Variants in MCM2 observed in about 807,000 individuals in gnomAD.
MCM2 encodes the protein minichromosome maintenance complex component 2.
Under a neutral mutation model 86.4 loss-of-function variants are expected in MCM2, and 49 were observed. The ratio of observed to expected loss-of-function variants is 0.57; its 90% CI spans 0.45 to 0.72. MCM2 has a LOEUF of 0.72. Ranked by LOEUF, MCM2 falls within the 30% of genes least tolerant of loss-of-function variation. The pLI is 0.00. For missense variants in MCM2, 1,038 were observed against 1,259.9 expected, an observed-to-expected ratio of 0.82 and a Z score of 2.67; for synonymous variants, 475 against 484.6, an observed-to-expected ratio of 0.98 and a Z score of 0.26.
intron 14 of MCM2, 42 bp downstream of exon 14, chr3:127,620,922 T>G: frequency 6.3e-7 from 1 of 1,576,902 alleles, no homozygotes; most frequent in Non-Finnish European, 8.6e-7. Context: ...GCAAGCTCAG[T>G]GAAGGAGGCC....
intron 7 of MCM2, 72 bp from the exon 8 acceptor site, chr3:127,608,760 C>A: frequency 6.7e-7 from 1 of 1,492,360 alleles, no homozygotes; most frequent in Non-Finnish European, 9.2e-7. Flanking sequence ...ATAGGAGAAA[C>A]TGGAGGAAGG....
intron 13 of MCM2, 113 bp from the exon 14 acceptor site, chr3:127,620,585 T>C: frequency 9.3e-7 from 1 of 1,078,790 alleles, no homozygotes; most frequent in Non-Finnish European, 1.4e-6. Flanking sequence ...GCATTTCTGC[T>C]GGGGCACTGT....
At chr3:127,608,266 G>C in intron 6 of MCM2, 116 bp from the exon 7 acceptor site, 4 of 1,311,720 alleles carry the variant, frequency 3.0e-6, no homozygotes, top group Non-Finnish European at 4.3e-6. Flanking sequence ...GCTGTCTTTG[G>C]CTCTCCATTT....
intron 1 of MCM2, 145 bp downstream of exon 1, chr3:127,598,617 A>C: frequency 8.6e-7 from 1 of 1,163,752 alleles, no homozygotes; most frequent in Non-Finnish European, 1.2e-6. Context: ...TCTCGCCTGC[A>C]CCCTGCGTGA....
chr3:127,618,398 C>A lies in MCM2; in HGVS notation c.2013+317C>A, dbSNP rs560086926. On this transcript the variant is annotated intron_variant, in intron 12 of 15. Transcript: ENST00000265056. The surrounding 1 kb of genome is among the most constrained non-coding windows in gnomAD (Gnocchi z 4.0). ...ATCATCTGAACTGGCCTCCTGGCAC[C>A]CATGTAGACTGTCTTCCAGTTGAAG... 6.6e-6 allele frequency among the ~76,000 whole-genome samples: 1 copy of A among 152,288 alleles called. No homozygotes were observed. Among genetic ancestry groups the A allele is most frequent in the African/African-American group, 2.4e-5 (1 of 41,560 alleles).
chr3:127,609,811 C>CCTTCCTCTG (rs1014194389), intron 8 of MCM2, among the ~76,000 whole-genome samples: 3 of 149,090 alleles, frequency 2.0e-5, no homozygotes, highest in Admixed American at 2.0e-4. Context: ...TCTCTTCCTT[C>CCTTCCTCTG]CTTCCTCTGT....
intron 1 of MCM2, 40 bp downstream of exon 1, chr3:127,598,512 T>G: frequency 6.2e-7 from 1 of 1,608,738 alleles, no homozygotes; most frequent in Non-Finnish European, 8.5e-7. Flanking sequence ...GCCGGGGACA[T>G]GGGTGCGGAG....
At chr3:127,603,565 A>T (rs2107686537) in intron 2 of MCM2, among the ~76,000 whole-genome samples, 1 of 152,332 alleles carries the variant, frequency 6.6e-6, no homozygotes, top group East Asian at 1.9e-4. Flanking sequence ...GGCTCACTGC[A>T]GCCTTGAACT....
chr3:127,617,667 G>GA lies in MCM2; in HGVS notation c.1900+262_1900+263insA, dbSNP rs2074443842. On this transcript the variant is annotated intron_variant, in intron 11 of 15. Coordinates refer to ENST00000265056, the MANE Select transcript of MCM2 (RefSeq NM_004526.4). The surrounding 1 kb of genome is among the most constrained non-coding windows in gnomAD (Gnocchi z 4.1). ...TGGGAGGAGAGCCCAGTGCCCCTCT[G>GA]GCCAGGATGGAGTTGGCTGTTGGTC... 8 of 596,924 alleles carry GA rather than the reference G, an allele frequency of 1.3e-5. No individual in the cohort carries two copies. Among genetic ancestry groups the GA allele is most frequent in the Non-Finnish European group, 2.4e-5 (8 of 338,274 alleles). 37.0% of individuals were successfully genotyped at this position (596,924 alleles called of 1,614,324 possible).
At position 127,618,899 on chromosome 3, in the gene MCM2, G is replaced by A. The variant is rs17497159; in HGVS notation, c.2014-128G>A. 0.18 allele frequency: 193,594 copies of A among 1,105,070 alleles called. 19,013 individuals are homozygous for A. Among genetic ancestry groups the A allele is most frequent in the Non-Finnish European group, 0.2 (157,820 of 799,458 alleles). The allele number at this position is 1,105,070 out of a possible 1,614,324, so 68.5% of individuals were successfully genotyped here. On this transcript the variant is annotated intron_variant, in intron 12 of 15. Coordinates refer to ENST00000265056, the MANE Select transcript of MCM2 (RefSeq NM_004526.4). The surrounding 1 kb of genome is among the most constrained non-coding windows in gnomAD (Gnocchi z 4.0). Reference sequence around the variant, plus strand: ...CACACCCAGAACTGCCTGGCACATGGTCAGTGTAGTCAGTCTTGTTGAAAG... The same window carrying A: ...CACACCCAGAACTGCCTGGCACATGATCAGTGTAGTCAGTCTTGTTGAAAG...
chr3:127,613,913 AC>A (rs2074416246), intron 8 of MCM2, among the ~76,000 whole-genome samples: 3 of 152,208 alleles, frequency 2.0e-5, no homozygotes, highest in Non-Finnish European at 4.4e-5. Flanking sequence ...AGTTAAAGAG[AC>A]AGAGTGAGAG....
At chr3:127,611,462 C>T (rs961924285) in intron 8 of MCM2, among the ~76,000 whole-genome samples, 1 of 152,146 alleles carries the variant, frequency 6.6e-6, no homozygotes, top group Non-Finnish European at 1.5e-5. Flanking sequence ...TGCCTGGGCA[C>T]TAATAAGGCA....
rs1464222043 is a variant in MCM2, at chr3:127,610,847, C to T, written c.1428+1824C>T. ...CCATTCCTTCCCAGCTCTTGGCCAT[C>T]GAACCTAGTCTGCGAAGATCTGGGG... On this transcript the variant is annotated intron_variant, in intron 8 of 15. Transcript: ENST00000265056. 11 of 456,568 alleles carry T rather than the reference C, an allele frequency of 2.4e-5. 1 individual carries two copies. The highest frequency in any genetic ancestry group is 1.1e-4 in the South Asian group (7 of 64,570). The allele number at this position is 456,568 out of a possible 1,614,324, so 28.3% of individuals were successfully genotyped here.
intron 9 of MCM2, among the ~76,000 whole-genome samples, chr3:127,616,208 C>G (rs2074431353): frequency 6.6e-6 from 1 of 152,152 alleles, no homozygotes; most frequent in South Asian, 2.1e-4. Flanking sequence ...GTCTTTGCTT[C>G]TCTTCTATGT....
chr3:127,606,465 T>A lies in MCM2; in HGVS notation c.893+128T>A. 1 of 1,175,908 alleles carries A rather than the reference T, an allele frequency of 8.5e-7. No homozygotes were observed. Among genetic ancestry groups the A allele is most frequent in the Non-Finnish European group, 1.2e-6 (1 of 819,390 alleles). The allele number at this position is 1,175,908 out of a possible 1,614,324, so 72.8% of individuals were successfully genotyped here. ...CAGCAGCATCCTCATCGCAGGTGAGTTGTGGTTGCACAGGAGTGTGATGGG... is the reference window on the plus strand; with the variant it reads ...CAGCAGCATCCTCATCGCAGGTGAGATGTGGTTGCACAGGAGTGTGATGGG... On this transcript the variant is annotated intron_variant, in intron 5 of 15. Transcript: ENST00000265056. The surrounding 1 kb of genome is among the most constrained non-coding windows in gnomAD (Gnocchi z 4.2).
In MCM2 at chr3:127,604,787, G is replaced by C. The variant is rs1414312395; in HGVS notation, c.412+4G>C. 1.3e-6 allele frequency: 2 copies of C among 1,582,950 alleles called. No individual in the cohort carries two copies. The highest frequency in any genetic ancestry group is 1.7e-6 in the Non-Finnish European group (2 of 1,164,536). ...ATGCGCCGTGGGCTCCTGTATGGTA[G>C]GTCCAGTTGTCTGCCTGCCCGAGGG... is the stretch of plus-strand genomic sequence containing the variant. On this transcript the variant is annotated splice_donor_region_variant and intron_variant, in intron 3 of 15. Transcript: ENST00000265056.
rs775445540 is a variant in MCM2, at chr3:127,608,929, C to T, written c.1334C>T (p.Ala445Val). 1 of 1,613,942 alleles carries T rather than the reference C, an allele frequency of 6.2e-7. No individual in the cohort carries two copies. Among genetic ancestry groups the T allele is most frequent in the Non-Finnish European group, 8.5e-7 (1 of 1,180,046 alleles). Reference sequence around the variant, plus strand: ...ACTGTCATCCTAGCCAACCACGTGGCCAAGAAGGACAACAAGGTTGCTGTA... The same window carrying T: ...ACTGTCATCCTAGCCAACCACGTGGTCAAGAAGGACAACAAGGTTGCTGTA... The part of the protein sequence containing the change: ...FATVILANHV[A>V]KKDNKVAVGE... Residue 445 changes from alanine (A) to valine (V), a missense_variant, in exon 8 of 16, where the codon GCC (alanine) becomes GTC (valine). Ala to Val is a moderately conservative substitution (Grantham distance 64). Coordinates refer to ENST00000265056, the MANE Select transcript of MCM2 (RefSeq NM_004526.4).
At chr3:127,605,503 C>T (rs913543977) in intron 4 of MCM2, among the ~76,000 whole-genome samples, 1 of 143,788 alleles carries the variant, frequency 7.0e-6, no homozygotes, top group Non-Finnish European at 1.5e-5. Context: ...TGCAATGGCA[C>T]GGTCTCGGCT....
chr3:127,618,022 C>T lies in MCM2; in HGVS notation c.1954C>T (p.Pro652Ser), dbSNP rs201684888. ...CTCTGAGAACGTGGACCTCACAGAG[C>T]CCATCATCTCACGCTTTGACATCCT... ...TFSENVDLTEPIISRFDILCV... is the reference protein window; with the variant it reads ...TFSENVDLTESIISRFDILCV... Residue 652 changes from proline (P) to serine (S), a missense_variant, in exon 12 of 16, where the codon CCC becomes TCC. Pro to Ser is a moderately conservative substitution (Grantham distance 74). This residue lies in a region of MCM2 where 336 missense variants were observed against 425.7 expected (regional missense o/e 0.79). Transcript: ENST00000265056. The surrounding 1 kb of genome is among the most constrained non-coding windows in gnomAD (Gnocchi z 4.0). The T allele has an allele frequency of 6.2e-7, 1 of 1,613,972 alleles. No individual in the cohort carries two copies. The highest frequency in any genetic ancestry group is 8.5e-7 in the Non-Finnish European group (1 of 1,180,010).
Sources: gnomAD v4.1 joint callset for allele counts (sites outside exome capture counted in the v4.1 genomes callset) on GRCh38, gnomAD v4.1.1 for gene constraint, gnomAD v4.1.1 regional missense constraint, Gnocchi (gnomAD v3.1) non-coding constraint, MANE v1.5 for transcripts, NCBI Gene and HGNC (gene_info 2026-07-23, HGNC 2026-07-21) for gene names.